The following MSI2 variants were observed in gnomAD, a reference collection of about 807,000 sequenced individuals.
MSI2 encodes the protein RNA-binding protein Musashi homolog 2.
MSI2 carries 17 observed loss-of-function variants against 45.6 expected under a neutral mutation model. The ratio of observed to expected loss-of-function variants is 0.37; its 90% CI spans 0.26 to 0.56. The LOEUF (loss-of-function observed/expected upper bound fraction) is 0.56. Ranked by LOEUF, MSI2 falls within the 20% of genes least tolerant of loss-of-function variation. The pLI, the probability that MSI2 is intolerant of heterozygous loss-of-function variation, is 0.77. For synonymous variants in MSI2, 156 were observed against 158.2 expected (o/e 0.99, Z 0.11); for missense variants, 293 against 444.2 (o/e 0.66, Z 3.06).
intron 7 of MSI2, among the ~76,000 whole-genome samples, chr17:57,579,091 A>T (rs1296386585): frequency 6.6e-6 from 1 of 152,186 alleles, no homozygotes; most frequent in Non-Finnish European, 1.5e-5. Flanking sequence ...AAAACATTAG[A>T]GCATATGGTA....
At chr17:57,290,027 T>C (rs1910271815) in intron 5 of MSI2, among the ~76,000 whole-genome samples, 1 of 152,200 alleles carries the variant, frequency 6.6e-6, no homozygotes, top group African/African-American at 2.4e-5. Context: ...GGAGAGGGTG[T>C]GGGGAGTCTG....
chr17:57,260,226 A>G (rs528880695), intron 4 of MSI2, among the ~76,000 whole-genome samples: 16 of 152,300 alleles, frequency 1.1e-4, no homozygotes, highest in African/African-American at 3.9e-4. Flanking sequence ...GGGATTTGCC[A>G]TGCTTAACTT....
chr17:57,323,022 G>A (rs1913474690), intron 5 of MSI2, among the ~76,000 whole-genome samples: 1 of 151,948 alleles, frequency 6.6e-6, no homozygotes, highest in Admixed American at 6.6e-5. Flanking sequence ...ATTGGTGGGG[G>A]GAGAGGGACT....
At chr17:57,688,467 A>G (rs1163241787), downstream of MSI2, among the ~76,000 whole-genome samples, 1 of 152,150 alleles carries the variant, frequency 6.6e-6, no homozygotes, top group East Asian at 1.9e-4. Context: ...TGAATTCCCC[A>G]TCACTAGGGA....
intron 5 of MSI2, among the ~76,000 whole-genome samples, chr17:57,317,001 A>G (rs1388890991): frequency 6.6e-6 from 1 of 151,348 alleles, no homozygotes; most frequent in Non-Finnish European, 1.5e-5. Context: ...CTTTGTTTCC[A>G]TTGCCCACAA....
intron 11 of MSI2, among the ~76,000 whole-genome samples, chr17:57,659,083 T>TTGGTTGGTTGGTTGGTTG (rs35492662): frequency 6.6e-6 from 1 of 151,286 alleles, no homozygotes; most frequent in Admixed American, 6.6e-5. Context: ...TTGGTTGGTT[T>TTGGTTGGTTGGTTGGTTG]GTTGTTGTTG....
chr17:57,604,987 T>G, intron 8 of MSI2, among the ~76,000 whole-genome samples: 1 of 151,428 alleles, frequency 6.6e-6, no homozygotes. Context: ...GTAATGTGGG[T>G]GGAATTAACT....
At chr17:57,333,897 T>C (rs1430960170) in intron 5 of MSI2, among the ~76,000 whole-genome samples, 1 of 152,232 alleles carries the variant, frequency 6.6e-6, no homozygotes, top group Non-Finnish European at 1.5e-5. Context: ...CAGTGTGGCA[T>C]GTCTGGCCCA....
At position 57,552,963 on chromosome 17, in the gene MSI2, T is replaced by C. The variant is rs892674457; in HGVS notation, c.454+23239T>C. ...CTTTTGAGAGGCTGATACTGGTCTT[T>C]GAATGAACTCTTTACCCCACCAAAA... is the stretch of plus-strand genomic sequence containing the variant. On this transcript the variant is annotated intron_variant, in intron 7 of 13. Transcript: ENST00000284073. This position sits in a 1 kb window ranked among gnomAD's most constrained non-coding sequence, Gnocchi z 4.3. 6.6e-6 allele frequency among the ~76,000 whole-genome samples: 1 copy of C among 152,206 alleles called. No individual in the cohort carries two copies. Among genetic ancestry groups the C allele is most frequent in the Non-Finnish European group, 1.5e-5 (1 of 68,032 alleles).
intron 5 of MSI2, among the ~76,000 whole-genome samples, chr17:57,290,277 A>T (rs546736358): frequency 6.6e-6 from 1 of 152,194 alleles, no homozygotes; most frequent in East Asian, 1.9e-4. Flanking sequence ...CCTTAATTAT[A>T]TTATCATTGG....
chr17:57,352,524 A>G (rs1916103334), intron 5 of MSI2, among the ~76,000 whole-genome samples: 1 of 152,224 alleles, frequency 6.6e-6, no homozygotes, highest in African/African-American at 2.4e-5. Context: ...AAATGGGAAC[A>G]GGTTTGTTCG....
At chr17:57,445,417 C>T (rs1157321612) in intron 6 of MSI2, among the ~76,000 whole-genome samples, 3 of 152,242 alleles carry the variant, frequency 2.0e-5, no homozygotes, top group Non-Finnish European at 4.4e-5. Flanking sequence ...AGTTCTGTGT[C>T]AGCCTGAATT....
chr17:57,545,061 C>T (rs772957021), intron 7 of MSI2, among the ~76,000 whole-genome samples: 2 of 152,002 alleles, frequency 1.3e-5, no homozygotes, highest in Admixed American at 6.6e-5. Context: ...GAAACAAGCA[C>T]GTTTGGTGGG....
chr17:57,554,529 C>A (rs2087387076), intron 7 of MSI2, among the ~76,000 whole-genome samples: 1 of 152,196 alleles, frequency 6.6e-6, no homozygotes, highest in East Asian at 1.9e-4. Context: ...CTATTTCCTG[C>A]CTCCTTGGTG....
chr17:57,303,430 G>A (rs1024180172), intron 5 of MSI2, among the ~76,000 whole-genome samples: 1 of 152,214 alleles, frequency 6.6e-6, no homozygotes, highest in Admixed American at 6.5e-5. Flanking sequence ...TAGAAACGCA[G>A]TGTGAAGGGG....
At chr17:57,390,204 A>C (rs1025213994) in intron 5 of MSI2, among the ~76,000 whole-genome samples, 5 of 152,240 alleles carry the variant, frequency 3.3e-5, no homozygotes, top group African/African-American at 1.2e-4. Context: ...GCAGTGAGCT[A>C]TAGTCATGCC....
At chr17:57,366,283 G>C (rs1917184103) in intron 5 of MSI2, among the ~76,000 whole-genome samples, 1 of 152,112 alleles carries the variant, frequency 6.6e-6, no homozygotes. Context: ...GCTGGCCCCA[G>C]GTCCGAGACC....
chr17:57,420,282 C>T (rs1405346418), intron 6 of MSI2, among the ~76,000 whole-genome samples: 2 of 152,172 alleles, frequency 1.3e-5, no homozygotes, highest in African/African-American at 2.4e-5. Context: ...AAATAACTAG[C>T]GACTGACGTT....
At chr17:57,307,125 A>G (rs1247524038) in intron 5 of MSI2, among the ~76,000 whole-genome samples, 2 of 152,144 alleles carry the variant, frequency 1.3e-5, no homozygotes, top group Non-Finnish European at 2.9e-5. Context: ...TCTATTTCCT[A>G]ACACTCTGTG....
Sources: allele counts gnomAD v4.1 joint callset (sites outside exome capture counted in the v4.1 genomes callset), GRCh38; gene constraint gnomAD v4.1.1; non-coding constraint Gnocchi (gnomAD v3.1); transcripts MANE v1.5; gene names NCBI Gene and HGNC (gene_info 2026-07-23, HGNC 2026-07-21).